Variants in FAH observed in about 807,000 individuals in gnomAD.
FAH encodes fumarylacetoacetase.
A neutral mutation model predicts 55.8 loss-of-function variants in FAH; 47 were observed. The observed-to-expected ratio is 0.84, with a 90% CI of 0.67 to 1.07. The LOEUF (loss-of-function observed/expected upper bound fraction) is 1.07, where lower values mean the gene tolerates loss of function less well. Ranked by LOEUF, FAH falls within the 50% of genes least tolerant of loss-of-function variation. The pLI, the probability that FAH is intolerant of heterozygous loss-of-function variation, is 0.00. For synonymous variants in FAH, 199 were observed against 207.7 expected (o/e 0.96, Z 0.36); for missense variants, 495 against 545.9 (o/e 0.91, Z 0.93).
rs1384106470 is a variant in FAH, at chr15:80,159,619, G to A, written c.193-137G>A. The A allele has an allele frequency of 5.9e-6, 6 of 1,010,764 alleles. No homozygotes were observed. The Admixed American group carries it at 6.9e-5, about 12-fold the overall frequency. 62.6% of individuals were successfully genotyped at this position (1,010,764 alleles called of 1,614,324 possible). On this transcript the variant is annotated intron_variant, in intron 2 of 13. Coordinates refer to ENST00000561421, the MANE Select transcript of FAH (RefSeq NM_000137.4). ...GTTGATGAATAAATGACAAAACTAA[G>A]AGCAGAGGTCCTGAGAGTTTGAGTT...
intron 5 of FAH, chr15:80,166,277 C>T (rs2041190920): frequency 6.6e-6 from 1 of 152,086 alleles, no homozygotes; most frequent in South Asian, 2.1e-4. Flanking sequence ...GTGCACACCA[C>T]CATGCCTGGC....
At position 80,184,673 on chromosome 15, in the gene FAH, G is replaced by A. The variant is rs767357679; in HGVS notation, c.1181-1457G>A. Reference sequence around the variant, plus strand: ...AATGAGCAACAGAATAGGTGAGGTCGTTGCTCTCGACAAAGGGCATCCCTG... The same window carrying A: ...AATGAGCAACAGAATAGGTGAGGTCATTGCTCTCGACAAAGGGCATCCCTG... On this transcript the variant is annotated intron_variant, in intron 13 of 13. Coordinates refer to ENST00000561421, the MANE Select transcript of FAH (RefSeq NM_000137.4). Among the ~76,000 whole-genome samples the A allele has an allele frequency of 1.1e-4, 17 of 152,242 alleles. No individual in the cohort carries two copies. The South Asian group carries it at 1.2e-3, about 11-fold the overall frequency.
rs181220993 is a variant in FAH, at chr15:80,172,348, G to A, written c.706+100G>A. ...GAAGATCTGGTGCAGGTCAAAAGTG[G>A]CAGGTGATGCAGTGACTGAGAGTGG... On this transcript the variant is annotated intron_variant, in intron 8 of 13. Transcript: ENST00000561421. 8.4e-4 allele frequency: 714 copies of A among 852,486 alleles called. 1 individual carries two copies. Among genetic ancestry groups the A allele is most frequent in the Non-Finnish European group, 1.0e-3 (525 of 505,230 alleles). The allele number at this position is 852,486 out of a possible 1,614,324, so 52.8% of individuals were successfully genotyped here.
At chr15:80,181,341 T>C (rs1191476422) in intron 13 of FAH, among the ~76,000 whole-genome samples, 182 bp downstream of exon 13, 2 of 152,182 alleles carry the variant, frequency 1.3e-5, no homozygotes, top group East Asian at 3.9e-4. Context: ...GGACTTCAAG[T>C]GTGAGTCTCC....
intron 5 of FAH, among the ~76,000 whole-genome samples, chr15:80,166,608 C>A (rs2041193654): frequency 6.9e-6 from 1 of 145,704 alleles, no homozygotes; most frequent in African/African-American, 2.5e-5. Flanking sequence ...GTTTGCCAGT[C>A]TTTCTAGATA....
chr15:80,164,146 C>T (rs1208697607), intron 5 of FAH, among the ~76,000 whole-genome samples: 2 of 152,186 alleles, frequency 1.3e-5, no homozygotes, highest in East Asian at 3.8e-4. Context: ...GTTCCGGAGG[C>T]CAGAAGTCAA....
At chr15:80,171,649 G>A (rs1368678545) in intron 7 of FAH, among the ~76,000 whole-genome samples, 1 of 151,972 alleles carries the variant, frequency 6.6e-6, no homozygotes, top group Non-Finnish European at 1.5e-5. Flanking sequence ...TTTTGTAGAG[G>A]TGGGGTCTCA....
chr15:80,158,076 G>T lies in FAH; in HGVS notation c.98G>T (p.Gly33Val). The change falls in exon 2 of 14, where the codon GGT (glycine) becomes GTT (valine). Residue 33 changes from glycine to valine, a missense_variant. By Grantham distance (109) the Gly-to-Val change is moderately radical. Coordinates refer to ENST00000561421, the MANE Select transcript of FAH (RefSeq NM_000137.4). ...TCCTCCTAGCCAAGACCGAGGATAG[G>T]TGTGGCCATTGGCGACCAGATCCTG... Reference protein sequence around the residue: ...STRGDPRPRIGVAIGDQILDL... With the variant: ...STRGDPRPRIVVAIGDQILDL... 2 of 1,614,016 alleles carry T rather than the reference G, an allele frequency of 1.2e-6. No homozygotes were observed. Among genetic ancestry groups the T allele is most frequent in the East Asian group, 2.2e-5 (1 of 44,872 alleles).
chr15:80,170,067 G>A (rs2041227067), intron 7 of FAH, among the ~76,000 whole-genome samples: 1 of 152,216 alleles, frequency 6.6e-6, no homozygotes, highest in Admixed American at 6.5e-5. Flanking sequence ...ACTGAAATCT[G>A]GGCAGCCCCC....
intron 4 of FAH, among the ~76,000 whole-genome samples, chr15:80,160,837 G>A (rs1372341527): frequency 2.6e-5 from 4 of 152,238 alleles, no homozygotes; most frequent in East Asian, 3.8e-4. Context: ...GTTTGAGCAC[G>A]TGGCAGGATG....
Position 80,173,085 on chromosome 15 carries a change from T to C in FAH, c.778T>C (p.Ser260Pro). The change falls in exon 9 of 14, where the codon TCT becomes CCT. Residue 260 changes from serine (S) to proline (P), a missense_variant. Ser to Pro is a moderately conservative substitution (Grantham distance 74). Coordinates refer to ENST00000561421, the MANE Select transcript of FAH (RefSeq NM_000137.4). ...TGGGAAGAGTTTTGGGACCACTGTCTCTCCGTGGGTGGTGCCCATGGATGC... is the reference window on the plus strand; with the variant it reads ...TGGGAAGAGTTTTGGGACCACTGTCCCTCCGTGGGTGGTGCCCATGGATGC... The part of the protein sequence containing the change: ...FLGKSFGTTV[S>P]PWVVPMDALM... The C allele has an allele frequency of 1.2e-6, 2 of 1,614,190 alleles. No individual in the cohort carries two copies. The highest frequency in any genetic ancestry group is 1.7e-6 in the Non-Finnish European group (2 of 1,180,012).
chr15:80,183,537 G>A (rs1567122643), intron 13 of FAH, among the ~76,000 whole-genome samples: 1 of 152,224 alleles, frequency 6.6e-6, no homozygotes, highest in Non-Finnish European at 1.5e-5. Flanking sequence ...TTGCTTGAAA[G>A]CCACACATGG....
In FAH at chr15:80,168,234, GT is replaced by G. The variant is rs377104738; in HGVS notation, c.554-16del. ...GTTCTGTGGCCTCACTCACAGCACC[GT>G]TTTTTTTTTTTTTCTGGTGTTATTC... is the stretch of plus-strand genomic sequence containing the variant. On this transcript the variant is annotated intron_variant, in intron 6 of 13. Transcript: ENST00000561421. The G allele has an allele frequency of 0.016, 23,588 of 1,456,594 alleles. 2 individuals carry two copies. Among genetic ancestry groups the G allele is most frequent in the Middle Eastern group, 0.03 (157 of 5,254 alleles). The allele number at this position is 1,456,594 out of a possible 1,614,324, so 90.2% of individuals were successfully genotyped here.
intron 5 of FAH, chr15:80,162,978 G>A (rs931162502): frequency 1.2e-5 from 2 of 167,382 alleles, no homozygotes; most frequent in African/African-American, 4.8e-5. Context: ...ATGGTTCCTT[G>A]GAACTGAAGA....
intron 8 of FAH, among the ~76,000 whole-genome samples, chr15:80,172,679 C>A (rs2041250939): frequency 6.6e-6 from 1 of 152,206 alleles, no homozygotes; most frequent in Non-Finnish European, 1.5e-5. Context: ...AGCTCTCAAC[C>A]CTTTGCCATA....
intron 13 of FAH, among the ~76,000 whole-genome samples, chr15:80,184,087 C>A (rs1260407248): frequency 6.6e-6 from 1 of 152,176 alleles, no homozygotes; most frequent in African/African-American, 2.4e-5. Context: ...TCATCCATCC[C>A]CTAGTCTCGC....
At position 80,175,006 on chromosome 15, in the gene FAH, G is replaced by C. The variant is rs759821435; in HGVS notation, c.838-10G>C. On this transcript the variant is annotated splice_polypyrimidine_tract_variant and intron_variant, in intron 9 of 13. Transcript: ENST00000561421. ...GCCAGTGACCTCTGTGCTGTGCTTT[G>C]CCCTCTCAGGACCCCAGGCCCCTGC... 3 of 1,613,728 alleles carry C rather than the reference G, an allele frequency of 1.9e-6. No homozygotes were observed. The highest frequency in any genetic ancestry group is 2.5e-6 in the Non-Finnish European group (3 of 1,179,848).
intron 1 of FAH, among the ~76,000 whole-genome samples, chr15:80,154,939 T>G (rs1045719157): frequency 5.3e-5 from 8 of 152,170 alleles, no homozygotes; most frequent in African/African-American, 1.9e-4. Flanking sequence ...AAAGTCCCCG[T>G]GGTCTGGCTG....
intron 5 of FAH, 89 bp downstream of exon 5, chr15:80,162,425 C>T: frequency 8.6e-7 from 1 of 1,161,996 alleles, no homozygotes; most frequent in Non-Finnish European, 1.3e-6. Context: ...CCAAGTTCTT[C>T]TTAAAGTAAA....
Sources: gnomAD v4.1 joint callset for allele counts (sites outside exome capture counted in the v4.1 genomes callset) on GRCh38, gnomAD v4.1.1 for gene constraint, MANE v1.5 for transcripts, NCBI Gene and HGNC (gene_info 2026-07-23, HGNC 2026-07-21) for gene names.